The following ACVR2B variants were observed in gnomAD, a reference collection of about 807,000 sequenced individuals.
ACVR2B encodes the protein activin receptor type-2B.
ACVR2B carries 18 observed loss-of-function variants against 65.1 expected under a neutral mutation model. That is an observed-to-expected ratio of 0.28 (90% CI 0.19 to 0.41). ACVR2B has a LOEUF of 0.41. Ranked by LOEUF, ACVR2B falls within the 10% of genes least tolerant of loss-of-function variation. The pLI is 1.00. For synonymous variants in ACVR2B, 298 were observed against 277.7 expected (o/e 1.07, Z -0.73); for missense variants, 482 against 682.7 (o/e 0.71, Z 3.28).
chr3:38,465,046 A>C (rs1709706370), intron 1 of ACVR2B, among the ~76,000 whole-genome samples: 1 of 152,080 alleles, frequency 6.6e-6, no homozygotes, highest in South Asian at 2.1e-4. Context: ...CAGAAACATC[A>C]CAGTTGAAAC....
At chr3:38,480,569 TG>T (rs1710000673) in intron 7 of ACVR2B, among the ~76,000 whole-genome samples, 1 of 152,232 alleles carries the variant, frequency 6.6e-6, no homozygotes, top group Non-Finnish European at 1.5e-5. Context: ...AGTCTGGTTC[TG>T]TGACTGTGAG....
chr3:38,484,178 A>C lies in ACVR2B; in HGVS notation c.*846A>C, dbSNP rs964808638. 1 of 152,578 alleles carries C rather than the reference A, an allele frequency of 6.6e-6. No individual in the cohort carries two copies. Among genetic ancestry groups the C allele is most frequent in the Admixed American group, 6.5e-5 (1 of 15,284 alleles). 9.5% of individuals were successfully genotyped at this position (152,578 alleles called of 1,614,324 possible). On this transcript the variant is annotated 3_prime_UTR_variant, in exon 11 of 11. Transcript: ENST00000352511. ...CCTGACTTACCTGCTGGCCCTGACC[A>C]GTTTCTTTTCACTAACTTGGCCTTG...
chr3:38,470,233 A>G (rs1709797005), intron 1 of ACVR2B, among the ~76,000 whole-genome samples: 1 of 152,252 alleles, frequency 6.6e-6, no homozygotes, highest in Admixed American at 6.5e-5. Context: ...TCATTAGACT[A>G]AAGGCATAGT....
Position 38,487,732 on chromosome 3 carries a change from G to T in ACVR2B, c.*4400G>T, listed in dbSNP as rs2125730471. ...TTCCAGCATCTATTGGTAACACAAAGATTTGCTGGTTTTTAAAATAATACA... is the reference window on the plus strand; with the variant it reads ...TTCCAGCATCTATTGGTAACACAAATATTTGCTGGTTTTTAAAATAATACA... On this transcript the variant is annotated 3_prime_UTR_variant, in exon 11 of 11. Coordinates refer to ENST00000352511, the MANE Select transcript of ACVR2B (RefSeq NM_001106.4). The T allele has an allele frequency of 6.6e-6, 1 of 152,336 alleles. No homozygotes were observed. Among genetic ancestry groups the T allele is most frequent in the East Asian group, 1.9e-4 (1 of 5,186 alleles). The allele number at this position is 152,336 out of a possible 1,614,324, so 9.4% of individuals were successfully genotyped here.
chr3:38,462,551 T>C (rs1709666745), intron 1 of ACVR2B, among the ~76,000 whole-genome samples: 1 of 152,258 alleles, frequency 6.6e-6, no homozygotes, highest in South Asian at 2.1e-4. Context: ...AATAAACTGC[T>C]TTGTGTCCAT....
At chr3:38,462,811 G>C (rs1209853820) in intron 1 of ACVR2B, among the ~76,000 whole-genome samples, 1 of 152,166 alleles carries the variant, frequency 6.6e-6, no homozygotes, top group East Asian at 1.9e-4. Context: ...TGGATCATAA[G>C]CACGTATGTT....
Position 38,493,056 on chromosome 3 carries a change from A to C in ACVR2B, c.*9724A>C, listed in dbSNP as rs570066991. 1.3e-5 allele frequency: 2 copies of C among 152,726 alleles called. No homozygotes were observed. The highest frequency in any genetic ancestry group is 1.3e-4 in the Admixed American group (2 of 15,288). 9.5% of individuals were successfully genotyped at this position (152,726 alleles called of 1,614,324 possible). On this transcript the variant is annotated 3_prime_UTR_variant, in exon 11 of 11. Transcript: ENST00000352511. The stretch of plus-strand genomic sequence containing the variant: ...GTTTTTTCCCCCTGTGTGAAGAAGC[A>C]GTTACACCCCAACAATAGGAGGAAA...
chr3:38,454,789 G>T (rs987331027), intron 1 of ACVR2B: 3 of 161,568 alleles, frequency 1.9e-5, no homozygotes, highest in Admixed American at 6.4e-5. Flanking sequence ...TGCGGGGAGG[G>T]TTGCATGTCC....
intron 1 of ACVR2B, 47 bp downstream of exon 1, chr3:38,454,421 T>A: frequency 8.1e-7 from 1 of 1,229,284 alleles, no homozygotes; most frequent in South Asian, 3.5e-5. Flanking sequence ...CGCGCGGGGC[T>A]GGCCTCTGGC....
At chr3:38,464,838 A>C (rs1269777083) in intron 1 of ACVR2B, among the ~76,000 whole-genome samples, 1 of 151,890 alleles carries the variant, frequency 6.6e-6, no homozygotes, top group Non-Finnish European at 1.5e-5. Flanking sequence ...GGGGAGGATC[A>C]GTTGAGCCCA....
chr3:38,454,250 C>T lies in ACVR2B; in HGVS notation c.-73C>T, dbSNP rs1211374023. On this transcript the variant is annotated 5_prime_UTR_variant, in exon 1 of 11. Coordinates refer to ENST00000352511, the MANE Select transcript of ACVR2B (RefSeq NM_001106.4). ...GAAGGAGAGCGCAGCCGCCGCCTGG[C>T]CCTGCGCGCCCCGGGAGCGCCGTGC... is the stretch of plus-strand genomic sequence containing the variant. 3 of 1,100,762 alleles carry T rather than the reference C, an allele frequency of 2.7e-6. No homozygotes were observed. Among genetic ancestry groups the T allele is most frequent in the African/African-American group, 3.3e-5 (2 of 59,842 alleles). The allele number at this position is 1,100,762 out of a possible 1,614,324, so 68.2% of individuals were successfully genotyped here.
At chr3:38,459,525 G>C (rs917850443) in intron 1 of ACVR2B, 5 of 955,992 alleles carry the variant, frequency 5.2e-6, no homozygotes, top group Non-Finnish European at 6.2e-6. Flanking sequence ...AGGAGCTAAG[G>C]CTAGCCCTGT....
rs1709974203 is a variant in ACVR2B at position 38,479,228 on chromosome 3, A to G, written c.767A>G (p.Asn256Ser). ...QFIAAEKRGS[N>S]LEVELWLITA... ...ATTGCTGCCGAGAAGCGAGGCTCCAACCTCGAAGTAGAGCTGTGGCTCATC... is the reference window on the plus strand; with the variant it reads ...ATTGCTGCCGAGAAGCGAGGCTCCAGCCTCGAAGTAGAGCTGTGGCTCATC... Residue 256 changes from asparagine to serine, a missense_variant, in exon 6 of 11, where the codon AAC (asparagine) becomes AGC (serine). Around this residue, in one of 5 missense-constraint regions of ACVR2B, gnomAD observed 223 missense variants for 386.3 expected, o/e 0.58. Coordinates refer to ENST00000352511, the MANE Select transcript of ACVR2B (RefSeq NM_001106.4). The G allele has an allele frequency of 6.2e-7, 1 of 1,614,148 alleles. No homozygotes were observed. Among genetic ancestry groups the G allele is most frequent in the South Asian group, 1.1e-5 (1 of 91,078 alleles).
intron 1 of ACVR2B, among the ~76,000 whole-genome samples, chr3:38,471,333 C>T (rs1383499134): frequency 6.6e-6 from 1 of 152,164 alleles, no homozygotes; most frequent in African/African-American, 2.4e-5. Flanking sequence ...CAGGGAAATG[C>T]AGATCCAAAT....
At position 38,481,384 on chromosome 3, in the gene ACVR2B, C is replaced by T. The variant is rs2228012; in HGVS notation, c.993C>T (p.Ser331=). 1.3e-3 allele frequency: 2,106 copies of T among 1,614,134 alleles called. 21 individuals are homozygous for T. The African/African-American group carries it at 0.025, about 19-fold the overall frequency. The change falls in exon 8 of 11, where the codon AGC becomes AGT. Residue 331 remains serine, a synonymous_variant. Coordinates refer to ENST00000352511, the MANE Select transcript of ACVR2B (RefSeq NM_001106.4). This position sits in a 1 kb window ranked among gnomAD's most constrained non-coding sequence, Gnocchi z 4.7. ...DFKSKNVLLK[S]DLTAVLADFG... ...AAAGTAAGAATGTATTGCTGAAGAG[C>T]GACCTCACAGCCGTGCTGGCTGACT... is the stretch of plus-strand genomic sequence containing the variant.
intron 7 of ACVR2B, among the ~76,000 whole-genome samples, chr3:38,480,457 G>A (rs1350047116): frequency 4.6e-5 from 7 of 152,080 alleles, no homozygotes; most frequent in South Asian, 2.1e-4. Flanking sequence ...CTTCATTACC[G>A]CCCATTGAGA....
At position 38,489,597 on chromosome 3, in the gene ACVR2B, T is replaced by C. The variant is rs1710178821; in HGVS notation, c.*6265T>C. ...GGGCCTGCAATGTGTTTTACATTGG[T>C]GCTTCCTCCTGAGATTTCTGTTGAA... On this transcript the variant is annotated 3_prime_UTR_variant, in exon 11 of 11. Coordinates refer to ENST00000352511, the MANE Select transcript of ACVR2B (RefSeq NM_001106.4). The C allele has an allele frequency of 6.6e-6, 1 of 152,666 alleles. No individual in the cohort carries two copies. The highest frequency in any genetic ancestry group is 1.5e-5 in the Non-Finnish European group (1 of 68,058). The allele number at this position is 152,666 out of a possible 1,614,324, so 9.5% of individuals were successfully genotyped here. A position where few individuals can be genotyped will look rare whatever the true frequency, so the allele number is the denominator to read the frequency against.
At chr3:38,476,567 C>G (rs1709911081) in intron 1 of ACVR2B, 1 of 154,018 alleles carries the variant, frequency 6.5e-6, no homozygotes, top group African/African-American at 2.4e-5. Context: ...AGGGTCCTTT[C>G]CATTCCGTAT....
chr3:38,454,472 C>G (rs506993), intron 1 of ACVR2B, 98 bp downstream of exon 1: 5 of 1,060,434 alleles, frequency 4.7e-6, no homozygotes, highest in African/African-American at 1.7e-5. Context: ...CCCGGGGCCT[C>G]GTCGCCGCAC....
Sources: allele counts gnomAD v4.1 joint callset (sites outside exome capture counted in the v4.1 genomes callset), GRCh38; gene constraint gnomAD v4.1.1; regional missense constraint gnomAD v4.1.1; non-coding constraint Gnocchi (gnomAD v3.1); transcripts MANE v1.5; gene names NCBI Gene and HGNC (gene_info 2026-07-23, HGNC 2026-07-21).